The following COL15A1 variants were observed in gnomAD, a reference collection of about 807,000 sequenced individuals.
COL15A1 encodes the protein collagen alpha-1(XV) chain.
A neutral mutation model predicts 165.9 loss-of-function variants in COL15A1; 111 were observed. That is an observed-to-expected ratio of 0.67 (90% CI 0.57 to 0.78). The LOEUF is 0.78. Among genes scored for constraint, COL15A1 ranks in the 30% least tolerant of loss-of-function variants. The pLI, the probability that COL15A1 is intolerant of heterozygous loss-of-function variation, is 0.00. For missense variants in COL15A1, 1,745 were observed against 1,789.7 expected, an observed-to-expected ratio of 0.98 and a Z score of 0.45; for synonymous variants, 659 against 674.8, an observed-to-expected ratio of 0.98 and a Z score of 0.36.
At chr9:98,992,228 T>C (rs2118910761) in intron 5 of COL15A1, among the ~76,000 whole-genome samples, 1 of 152,374 alleles carries the variant, frequency 6.6e-6, no homozygotes, top group East Asian at 1.9e-4. Flanking sequence ...CATGGCAGGC[T>C]GCAGGTCCCA....
chr9:99,055,282 G>T lies in COL15A1; in HGVS notation c.3102G>T (p.Gly1034=). ...TCCAGGGGGAGAATGGAGACAAGGGGTTCAAAGGTGAAAAAGGAGAAAAAG... is the reference window on the plus strand; with the variant it reads ...TCCAGGGGGAGAATGGAGACAAGGGTTTCAAAGGTGAAAAAGGAGAAAAAG... ...NNLKGENGDK[G]FKGEKGEKGD... is the part of the protein sequence containing the mutation. Residue 1034 remains glycine, a synonymous_variant, in exon 34 of 42, where the codon GGG becomes GGT. Transcript: ENST00000375001. The T allele has an allele frequency of 6.2e-7, 1 of 1,613,210 alleles. No individual in the cohort carries two copies. The highest frequency in any genetic ancestry group is 8.5e-7 in the Non-Finnish European group (1 of 1,179,178).
At chr9:98,959,324 C>T (rs370008818) in intron 2 of COL15A1, among the ~76,000 whole-genome samples, 22 of 151,112 alleles carry the variant, frequency 1.5e-4, no homozygotes, top group Non-Finnish European at 2.7e-4. Flanking sequence ...GCAGGAGGAT[C>T]GATCACTTGA....
At chr9:99,032,514 C>A (rs1308656042) in intron 16 of COL15A1, among the ~76,000 whole-genome samples, 1 of 152,096 alleles carries the variant, frequency 6.6e-6, no homozygotes, top group Non-Finnish European at 1.5e-5. Flanking sequence ...TAAATGTATT[C>A]TTTCATTTAT....
intron 15 of COL15A1, 66 bp from the exon 16 acceptor site, chr9:99,025,838 T>C: frequency 6.5e-7 from 1 of 1,545,226 alleles, no homozygotes; most frequent in Non-Finnish European, 8.8e-7. Flanking sequence ...CCTCCTTTTC[T>C]AGCAAGCGTG....
chr9:98,989,023 G>GCCACACAC (rs564224409), intron 4 of COL15A1, among the ~76,000 whole-genome samples, 155 bp from the exon 5 acceptor site: 2 of 144,296 alleles, frequency 1.4e-5, no homozygotes, highest in Non-Finnish European at 3.1e-5. Context: ...GTCTCTCATA[G>GCCACACAC]ACACACACAC....
At chr9:98,961,633 G>A (rs1837866984) in intron 2 of COL15A1, among the ~76,000 whole-genome samples, 1 of 152,146 alleles carries the variant, frequency 6.6e-6, no homozygotes, top group Non-Finnish European at 1.5e-5. Flanking sequence ...CCCAGGAGCC[G>A]TTTTTCCTAG....
intron 2 of COL15A1, among the ~76,000 whole-genome samples, chr9:98,972,000 G>A (rs970806348): frequency 2.0e-5 from 3 of 152,128 alleles, no homozygotes; most frequent in African/African-American, 4.8e-5. Context: ...AGAGTGCCCC[G>A]CCCTGGTCAG....
At chr9:98,967,017 G>GTTCA (rs1564016140) in intron 2 of COL15A1, among the ~76,000 whole-genome samples, 1 of 152,126 alleles carries the variant, frequency 6.6e-6, no homozygotes, top group African/African-American at 2.4e-5. Context: ...ACATTCATTC[G>GTTCA]TTCATTCATT....
intron 2 of COL15A1, among the ~76,000 whole-genome samples, chr9:98,945,839 A>G (rs1837573236): frequency 6.6e-6 from 1 of 152,176 alleles, no homozygotes; most frequent in Non-Finnish European, 1.5e-5. Context: ...AGTTTCCCAA[A>G]AGGAAGATGG....
chr9:98,989,396 G>T (rs1838378007), intron 5 of COL15A1, 138 bp downstream of exon 5: 2 of 697,090 alleles, frequency 2.9e-6, no homozygotes, highest in African/African-American at 3.6e-5. Context: ...ATCTGGGGGG[G>T]TCAGGAAAAT....
At chr9:98,957,049 A>G (rs1355044140) in intron 2 of COL15A1, among the ~76,000 whole-genome samples, 2 of 152,182 alleles carry the variant, frequency 1.3e-5, no homozygotes, top group African/African-American at 4.8e-5. Flanking sequence ...TCACTCCATT[A>G]GGTTCTATAG....
chr9:98,956,737 C>G (rs1837781621), intron 2 of COL15A1, among the ~76,000 whole-genome samples: 1 of 152,206 alleles, frequency 6.6e-6, no homozygotes, highest in Non-Finnish European at 1.5e-5. Context: ...TAGCATCTTG[C>G]TACGTGTGGT....
In COL15A1 at chr9:99,070,303, T is replaced by C. The variant is rs1825964625; in HGVS notation, c.*417T>C. 1 of 243,332 alleles carries C rather than the reference T, an allele frequency of 4.1e-6. No individual in the cohort carries two copies. Among genetic ancestry groups the C allele is most frequent in the South Asian group, 4.3e-5 (1 of 23,060 alleles). The allele number at this position is 243,332 out of a possible 1,614,324, so 15.1% of individuals were successfully genotyped here. A position where few individuals can be genotyped will look rare whatever the true frequency, so the allele number is the denominator to read the frequency against. The stretch of plus-strand genomic sequence containing the variant: ...TAGAAATGTTACCCTTTCTAAGTTA[T>C]ATACAGATCAAATGCTTTTTTCTTT... On this transcript the variant is annotated 3_prime_UTR_variant, in exon 42 of 42. Coordinates refer to ENST00000375001, the MANE Select transcript of COL15A1 (RefSeq NM_001855.5).
chr9:98,994,458 C>T (rs2118917807), intron 5 of COL15A1, among the ~76,000 whole-genome samples: 1 of 152,296 alleles, frequency 6.6e-6, no homozygotes, highest in South Asian at 2.1e-4. Context: ...CAGTCCACAT[C>T]CTCTCCTTGG....
intron 2 of COL15A1, among the ~76,000 whole-genome samples, chr9:98,951,039 C>G (rs1423546597): frequency 1.3e-5 from 2 of 152,152 alleles, no homozygotes; most frequent in Non-Finnish European, 2.9e-5. Context: ...CTAACCACCC[C>G]ACTCTTGCTC....
chr9:98,998,751 G>T (rs1245336105), intron 6 of COL15A1, among the ~76,000 whole-genome samples: 1 of 152,208 alleles, frequency 6.6e-6, no homozygotes, highest in African/African-American at 2.4e-5. Context: ...TGAGGTCCAC[G>T]TGGGGACTGG....
chr9:99,024,267 A>AGTTTTTTT (rs1236388947), intron 14 of COL15A1, among the ~76,000 whole-genome samples: 1 of 131,758 alleles, frequency 7.6e-6, no homozygotes, highest in East Asian at 2.5e-4. Context: ...CACCACAAGC[A>AGTTTTTTT]GTTTTTTTTG....
At chr9:99,028,567 C>T (rs1218207075) in intron 16 of COL15A1, among the ~76,000 whole-genome samples, 1 of 152,128 alleles carries the variant, frequency 6.6e-6, no homozygotes, top group Non-Finnish European at 1.5e-5. Flanking sequence ...GGGAGAATCG[C>T]TTGACCCGGG....
At chr9:98,966,615 T>C (rs772664257) in intron 2 of COL15A1, among the ~76,000 whole-genome samples, 1 of 152,176 alleles carries the variant, frequency 6.6e-6, no homozygotes, top group Non-Finnish European at 1.5e-5. Flanking sequence ...TGGAGGCAGC[T>C]GGAAATGAGT....
Sources: gnomAD v4.1 joint callset for allele counts (sites outside exome capture counted in the v4.1 genomes callset) on GRCh38, gnomAD v4.1.1 for gene constraint, MANE v1.5 for transcripts, NCBI Gene and HGNC (gene_info 2026-07-23, HGNC 2026-07-21) for gene names.